The following DCAF15 variants were observed in gnomAD, a reference collection of about 807,000 sequenced individuals.
DCAF15 encodes DDB1- and CUL4-associated factor 15.
In DCAF15, 24 loss-of-function variants were observed where a neutral mutation model predicts 68.0. The ratio of observed to expected loss-of-function variants is 0.35; its 90% confidence interval spans 0.26 to 0.50. The LOEUF is 0.50. Ranked by LOEUF, DCAF15 falls within the 20% of genes least tolerant of loss-of-function variation. DCAF15 has a pLI of 0.98. For missense variants in DCAF15, 627 were observed against 830.6 expected, an observed-to-expected ratio of 0.75 and a Z score of 3.01; for synonymous variants, 376 against 341.6, an observed-to-expected ratio of 1.10 and a Z score of -1.11.
At chr19:13,957,461 G>A (rs974534431) in intron 6 of DCAF15, among the ~76,000 whole-genome samples, 1 of 152,154 alleles carries the variant, frequency 6.6e-6, no homozygotes, top group Non-Finnish European at 1.5e-5. Context: ...CCTGGGGATT[G>A]GGGAGCGACT....
intron 10 of DCAF15, 23 bp downstream of exon 10, chr19:13,960,092 C>T (rs1178332419): frequency 2.5e-6 from 4 of 1,612,144 alleles, no homozygotes; most frequent in Admixed American, 3.3e-5. Flanking sequence ...ATCCTGCCCT[C>T]TCTGTCCACT....
In DCAF15 at chr19:13,960,655, G is replaced by A. The variant is rs557211570; in HGVS notation, c.1747+75G>A. On this transcript the variant is annotated intron_variant, in intron 12 of 12. Transcript: ENST00000254337. ...CTCACCCAGGAGCTGATTCCTGAGC[G>A]CTGATGAAATGGGTGGGAAGGCTGG... The A allele has an allele frequency of 6.5e-5, 90 of 1,386,452 alleles. 1 individual carries two copies. In the African/African-American group the frequency reaches 9.0e-4, roughly 14 times the overall value. 85.9% of individuals were successfully genotyped at this position (1,386,452 alleles called of 1,614,324 possible). A position where few individuals can be genotyped will look rare whatever the true frequency, so the allele number is the denominator to read the frequency against.
In DCAF15 at chr19:13,959,947, G is replaced by A. The variant is rs368230282; in HGVS notation, c.1441-37G>A. ...CCAGGGCCTCCTGTACTCTGGGGTC[G>A]CCCTCAACAGTTGGCATCATCCACC... On this transcript the variant is annotated intron_variant, in intron 9 of 12. Transcript: ENST00000254337. The A allele has an allele frequency of 3.8e-5, 61 of 1,613,354 alleles. No individual in the cohort carries two copies. The Admixed American group carries it at 7.5e-4, about 20-fold the overall frequency.
chr19:13,959,046 T>G lies in DCAF15; in HGVS notation c.786T>G (p.Gly262=). 6.3e-7 allele frequency: 1 copy of G among 1,597,924 alleles called. No individual in the cohort carries two copies. Among genetic ancestry groups the G allele is most frequent in the Non-Finnish European group, 8.5e-7 (1 of 1,171,312 alleles). The part of the protein sequence containing the change: ...VACAVSVHSA[G]DRSFCQILYD... ...TTCTCCACCCCCATCTCTTCTTAGG[T>G]GACAGGAGTTTCTGCCAAATCCTGT... is the stretch of plus-strand genomic sequence containing the variant. The change falls in exon 7 of 13, where the codon GGT becomes GGG. Residue 262 remains glycine (G), a splice_region_variant and synonymous_variant. Transcript: ENST00000254337.
At chr19:13,953,812 G>A (rs1355627324) in intron 1 of DCAF15, among the ~76,000 whole-genome samples, 1 of 152,228 alleles carries the variant, frequency 6.6e-6, no homozygotes, top group African/African-American at 2.4e-5. Context: ...AGGGGGCGTT[G>A]GGTCATTGGT....
intron 6 of DCAF15, among the ~76,000 whole-genome samples, chr19:13,957,148 G>A (rs556640519): frequency 4.6e-5 from 7 of 152,344 alleles, no homozygotes; most frequent in African/African-American, 7.2e-5. Context: ...GAAGAGAAAC[G>A]CTAATGTGAC....
intron 6 of DCAF15, 77 bp downstream of exon 6, chr19:13,956,599 G>T (rs1973375676): frequency 2.6e-6 from 4 of 1,529,694 alleles, no homozygotes; most frequent in African/African-American, 1.4e-5. Flanking sequence ...CAGACAAGGG[G>T]CCCCAGGCGT....
At position 13,953,258 on chromosome 19, in the gene DCAF15, TCCC is replaced by T. The variant is rs1973171954; in HGVS notation, c.132+617_132+619del. On this transcript the variant is annotated intron_variant, in intron 1 of 12. Transcript: ENST00000254337. Reference sequence around the variant, plus strand: ...CCAGAGCTGGGGGATGATGTCTCTCTCCCCCATCAGTTTGGGAGCTCTGGAGGG... The same window carrying T: ...CCAGAGCTGGGGGATGATGTCTCTCTCCATCAGTTTGGGAGCTCTGGAGGG... 1.1e-5 allele frequency: 11 copies of T among 971,050 alleles called. No homozygotes were observed. The South Asian group carries it at 1.8e-4, about 16-fold the overall frequency. 60.2% of individuals were successfully genotyped at this position (971,050 alleles called of 1,614,324 possible).
rs747289982 is a variant in DCAF15, at chr19:13,959,831, G to A, written c.1376G>A (p.Arg459His). 3.2e-6 allele frequency: 5 copies of A among 1,587,162 alleles called. No homozygotes were observed. The highest frequency in any genetic ancestry group is 8.6e-7 in the Non-Finnish European group (1 of 1,165,836). ...GAATATGTTATCAATGAGGTCATCC[G>A]CCACGACGCTACCTGGGGCCATCAG... Reference protein sequence around the residue: ...DFEYVINEVIRHDATWGHQFC... With the variant: ...DFEYVINEVIHHDATWGHQFC... The change falls in exon 9 of 13, where the codon CGC becomes CAC. Residue 459 changes from arginine (R) to histidine (H), a missense_variant. Arg to His is a conservative substitution (Grantham distance 29). Around this residue, in one of 3 missense-constraint regions of DCAF15, gnomAD observed 118 missense variants for 211.8 expected, o/e 0.56. Transcript: ENST00000254337.
intron 1 of DCAF15, 149 bp from the exon 2 acceptor site, chr19:13,954,190 TC>T: frequency 3.0e-6 from 2 of 672,740 alleles, no homozygotes; most frequent in Admixed American, 2.5e-5. Flanking sequence ...CCTCAGTTGT[TC>T]CCACCTTCCA....
At chr19:13,960,914 T>C (rs1468037144) in intron 12 of DCAF15, 26 bp from the exon 13 acceptor site, 2 of 1,613,880 alleles carry the variant, frequency 1.2e-6, no homozygotes, top group Non-Finnish European at 1.7e-6. Context: ...AGGGGCTCTA[T>C]GCTTTGTCTC....
At position 13,960,275 on chromosome 19, in the gene DCAF15, T is replaced by A; in HGVS notation, c.1527-12T>A. The A allele has an allele frequency of 6.2e-7, 1 of 1,612,812 alleles. No individual in the cohort carries two copies. The highest frequency in any genetic ancestry group is 8.5e-7 in the Non-Finnish European group (1 of 1,179,016). On this transcript the variant is annotated splice_polypyrimidine_tract_variant and intron_variant, in intron 10 of 12. Coordinates refer to ENST00000254337, the MANE Select transcript of DCAF15 (RefSeq NM_138353.4). ...TGTCCCAGCGTTTGTCCTATGTCCCTCTCCACTGTAGACCAAAGACCTATC... is the reference window on the plus strand; with the variant it reads ...TGTCCCAGCGTTTGTCCTATGTCCCACTCCACTGTAGACCAAAGACCTATC...
At position 13,952,509 on chromosome 19, in the gene DCAF15, G is replaced by A. The variant is rs986617293; in HGVS notation, c.-4G>A. ...TGCTCCGGAAGTGGAGGGAGGGGGT[G>A]AAAATGGCGCCCAGCTCGAAATCGG... is the stretch of plus-strand genomic sequence containing the variant. On this transcript the variant is annotated 5_prime_UTR_variant, in exon 1 of 13. Coordinates refer to ENST00000254337, the MANE Select transcript of DCAF15 (RefSeq NM_138353.4). The A allele has an allele frequency of 3.2e-6, 4 of 1,250,794 alleles. No homozygotes were observed. In the Admixed American group the frequency reaches 1.7e-4, roughly 53 times the overall value. The allele number at this position is 1,250,794 out of a possible 1,614,324, so 77.5% of individuals were successfully genotyped here.
chr19:13,960,103 A>AG, intron 10 of DCAF15, 34 bp downstream of exon 10: 5 of 1,610,054 alleles, frequency 3.1e-6, no homozygotes, highest in South Asian at 2.2e-5. Flanking sequence ...TCTGTCCACT[A>AG]GGGGGGCCAC....
At chr19:13,955,857 C>T (rs879745978) in intron 3 of DCAF15, 55 bp from the exon 4 acceptor site, 94 of 1,583,100 alleles carry the variant, frequency 5.9e-5, no homozygotes, top group African/African-American at 5.0e-4. Context: ...CGTACAGCTT[C>T]GGGGGACCTC....
In DCAF15 at chr19:13,961,208, A is replaced by G. The variant is rs898896312; in HGVS notation, c.*213A>G. 4.8e-6 allele frequency: 3 copies of G among 619,012 alleles called. No individual in the cohort carries two copies. The Admixed American group carries it at 8.3e-5, about 17-fold the overall frequency. The allele number at this position is 619,012 out of a possible 1,614,324, so 38.3% of individuals were successfully genotyped here. A position where few individuals can be genotyped will look rare whatever the true frequency, so the allele number is the denominator to read the frequency against. Reference sequence around the variant, plus strand: ...CTATTTAAGTTGGGAAGGGGCAGAGAGAGGGCGCCCCCTGCCCCACCAGCC... The same window carrying G: ...CTATTTAAGTTGGGAAGGGGCAGAGGGAGGGCGCCCCCTGCCCCACCAGCC... On this transcript the variant is annotated 3_prime_UTR_variant, in exon 13 of 13. Transcript: ENST00000254337.
At chr19:13,960,635 C>T in intron 12 of DCAF15, 55 bp downstream of exon 12, 1 of 1,472,114 alleles carries the variant, frequency 6.8e-7, no homozygotes, top group South Asian at 1.3e-5. Context: ...TTGTCCTCAC[C>T]CAGGAGCTGA....
In DCAF15 at chr19:13,960,267, T is replaced by C; in HGVS notation, c.1527-20T>C. The C allele has an allele frequency of 6.2e-7, 1 of 1,611,018 alleles. No individual in the cohort carries two copies. Among genetic ancestry groups the C allele is most frequent in the Non-Finnish European group, 8.5e-7 (1 of 1,177,402 alleles). The stretch of plus-strand genomic sequence containing the variant: ...AGCCCGGCTGTCCCAGCGTTTGTCC[T>C]ATGTCCCTCTCCACTGTAGACCAAA... On this transcript the variant is annotated intron_variant, in intron 10 of 12. Transcript: ENST00000254337.
chr19:13,953,726 G>C (rs879842247), intron 1 of DCAF15, among the ~76,000 whole-genome samples: 5 of 152,114 alleles, frequency 3.3e-5, no homozygotes, highest in African/African-American at 4.8e-5. Context: ...GTCAGTCCCC[G>C]CAGATCCTTC....
Sources: gnomAD v4.1 joint callset for allele counts (sites outside exome capture counted in the v4.1 genomes callset) on GRCh38, gnomAD v4.1.1 for gene constraint, gnomAD v4.1.1 regional missense constraint, MANE v1.5 for transcripts, NCBI Gene and HGNC (gene_info 2026-07-23, HGNC 2026-07-21) for gene names.